Variants in ZEB2 observed in about 807,000 individuals in gnomAD.
ZEB2 encodes the protein zinc finger E-box binding homeobox 2.
In ZEB2, 6 loss-of-function variants were observed where a neutral mutation model predicts 99.9. The observed-to-expected ratio is 0.06, with a 90% CI of 0.03 to 0.12. ZEB2 has a LOEUF of 0.12. Among genes scored for constraint, ZEB2 ranks in the 10% least tolerant of loss-of-function variants. The pLI, the probability that ZEB2 is intolerant of heterozygous loss-of-function variation, is 1.00. For missense variants in ZEB2, 969 were observed against 1,502.8 expected (o/e 0.64, Z 5.87); for synonymous variants, 517 against 542.5 (o/e 0.95, Z 0.65).
intron 4 of ZEB2, among the ~76,000 whole-genome samples, chr2:144,412,573 G>C (rs796680800): frequency 6.8e-4 from 103 of 152,296 alleles, no homozygotes; most frequent in African/African-American, 2.3e-3. Flanking sequence ...CAAACCTATG[G>C]AACCAGCAAT....
chr2:144,386,885 A>G lies in ZEB2; in HGVS notation c.*2566T>C, dbSNP rs1467484679. The G allele has an allele frequency of 6.6e-6, 1 of 151,938 alleles. No homozygotes were observed. Among genetic ancestry groups the G allele is most frequent in the African/African-American group, 2.4e-5 (1 of 41,358 alleles). 9.4% of individuals were successfully genotyped at this position (151,938 alleles called of 1,614,324 possible). A position where few individuals can be genotyped will look rare whatever the true frequency, so the allele number is the denominator to read the frequency against. ...CAAATATAAAAACTCTAGGCTGTGG[A>G]TAACAGGAGGCATAGCATTTTGATG... On this transcript the variant is annotated 3_prime_UTR_variant, in exon 10 of 10. Coordinates refer to ENST00000627532, the MANE Select transcript of ZEB2 (RefSeq NM_014795.4).
chr2:144,388,496 A>C lies in ZEB2; in HGVS notation c.*955T>G, dbSNP rs562043405. 1 of 155,220 alleles carries C rather than the reference A, an allele frequency of 6.4e-6. No individual in the cohort carries two copies. Among genetic ancestry groups the C allele is most frequent in the East Asian group, 1.9e-4 (1 of 5,244 alleles). The allele number at this position is 155,220 out of a possible 1,614,324, so 9.6% of individuals were successfully genotyped here. On this transcript the variant is annotated 3_prime_UTR_variant, in exon 10 of 10. Coordinates refer to ENST00000627532, the MANE Select transcript of ZEB2 (RefSeq NM_014795.4). The surrounding 1 kb of genome is among the most constrained non-coding windows in gnomAD (Gnocchi z 5.4). Reference sequence around the variant, plus strand: ...CATAAATAAAATGTTATTTGACCTAAAATTAAATGAATGCAAAAAAAATTT... The same window carrying C: ...CATAAATAAAATGTTATTTGACCTACAATTAAATGAATGCAAAAAAAATTT...
At chr2:144,443,257 T>A (rs1457903297) in intron 2 of ZEB2, among the ~76,000 whole-genome samples, 1 of 152,150 alleles carries the variant, frequency 6.6e-6, no homozygotes, top group Non-Finnish European at 1.5e-5. Context: ...TTAGAAATGT[T>A]TTTAGCTAAA....
chr2:144,487,288 T>C (rs1007955223), intron 2 of ZEB2, among the ~76,000 whole-genome samples: 4 of 152,032 alleles, frequency 2.6e-5, no homozygotes, highest in African/African-American at 4.8e-5. Flanking sequence ...CAAGAAGAGA[T>C]TAAAGATAGG....
intron 2 of ZEB2, among the ~76,000 whole-genome samples, chr2:144,432,342 G>A (rs980857399): frequency 6.6e-6 from 1 of 152,196 alleles, no homozygotes; most frequent in African/African-American, 2.4e-5. Flanking sequence ...TACAGAGGCA[G>A]TATGCCATCT....
intron 2 of ZEB2, among the ~76,000 whole-genome samples, chr2:144,477,905 C>T (rs1704452440): frequency 6.6e-6 from 1 of 152,158 alleles, no homozygotes; most frequent in African/African-American, 2.4e-5. Flanking sequence ...CTGTCACTTT[C>T]CCTGTCTCTT....
chr2:144,429,504 C>A (rs1386722451), intron 3 of ZEB2: 6 of 500,014 alleles, frequency 1.2e-5, no homozygotes, highest in African/African-American at 9.7e-5. Flanking sequence ...GGTGCAAATA[C>A]CTCATGTTAT....
chr2:144,460,039 CTGCATAAGACAGGGT>C (rs919179250), intron 2 of ZEB2, among the ~76,000 whole-genome samples: 8 of 152,134 alleles, frequency 5.3e-5, no homozygotes, highest in African/African-American at 1.9e-4. Flanking sequence ...TTGGCCAGGG[CTGCATAAGACAGGGT>C]TGCTGAAACC....
chr2:144,397,005 AT>A, intron 8 of ZEB2, among the ~76,000 whole-genome samples: 1 of 152,190 alleles, frequency 6.6e-6, no homozygotes, highest in South Asian at 2.1e-4. Context: ...ATTGAATTTT[AT>A]ATTTAGGTAC....
chr2:144,460,284 C>T (rs534333789), intron 2 of ZEB2, among the ~76,000 whole-genome samples: 2 of 152,114 alleles, frequency 1.3e-5, no homozygotes, highest in Admixed American at 6.5e-5. Flanking sequence ...TGAACATCAA[C>T]GGCTAAGGTA....
chr2:144,470,030 C>A (rs1334047512), intron 2 of ZEB2, among the ~76,000 whole-genome samples: 2 of 152,148 alleles, frequency 1.3e-5, no homozygotes, highest in Non-Finnish European at 2.9e-5. Flanking sequence ...TTGGCAGTGC[C>A]TGAAACAGCT....
intron 2 of ZEB2, chr2:144,494,356 A>T (rs1362848039): frequency 1.3e-5 from 2 of 152,190 alleles, no homozygotes; most frequent in East Asian, 3.9e-4. Context: ...AGTGCAACCT[A>T]TGTGAAAATC....
chr2:144,448,138 T>C (rs1704009647), intron 2 of ZEB2, among the ~76,000 whole-genome samples: 1 of 152,222 alleles, frequency 6.6e-6, no homozygotes, highest in African/African-American at 2.4e-5. Flanking sequence ...TCCGTATCAT[T>C]CTTTCACATG....
At position 144,520,096 on chromosome 2, in the gene ZEB2, A is replaced by T; in HGVS notation, c.-227T>A. 2.2e-6 allele frequency: 1 copy of T among 454,558 alleles called. No homozygotes were observed. The highest frequency in any genetic ancestry group is 1.6e-5 in the South Asian group (1 of 64,472). 28.2% of individuals were successfully genotyped at this position (454,558 alleles called of 1,614,324 possible). ...AAGAGTGTCGGGAGGCAGGACCGTT[A>T]TTCCTGCAGAGCAGGTTAGAACTGA... On this transcript the variant is annotated 5_prime_UTR_variant, in exon 1 of 10. Coordinates refer to ENST00000627532, the MANE Select transcript of ZEB2 (RefSeq NM_014795.4).
rs751262430 is a variant in ZEB2 at position 144,400,175 on chromosome 2, T to A, written c.1012A>T (p.Ile338Phe). Residue 338 changes from isoleucine to phenylalanine, a missense_variant, in exon 8 of 10, where the codon ATC (isoleucine) becomes TTC (phenylalanine). Physicochemically the swap from Ile to Phe is conservative, Grantham distance 21. This residue lies in a region of ZEB2 where 9 missense variants were observed against 77.3 expected (regional missense o/e 0.12). Coordinates refer to ENST00000627532, the MANE Select transcript of ZEB2 (RefSeq NM_014795.4). Reference sequence around the variant, plus strand: ...TTTCTCATTCGGCCATTTACAGAGATTAAACCAATACATTTCTTGCTGCTG... The same window carrying A: ...TTTCTCATTCGGCCATTTACAGAGAATAAACCAATACATTTCTTGCTGCTG... ...HISSKKCIGL[I>F]SVNGRMRNNI... 1 of 1,614,150 alleles carries A rather than the reference T, an allele frequency of 6.2e-7. No homozygotes were observed. Among genetic ancestry groups the A allele is most frequent in the Non-Finnish European group, 8.5e-7 (1 of 1,180,018 alleles).
intron 2 of ZEB2, among the ~76,000 whole-genome samples, chr2:144,446,217 T>C (rs937553898): frequency 1.3e-5 from 2 of 152,174 alleles, no homozygotes; most frequent in African/African-American, 4.8e-5. Context: ...CATATGATGC[T>C]TTCAGGAGAC....
At chr2:144,432,308 T>G (rs1250058171) in intron 2 of ZEB2, among the ~76,000 whole-genome samples, 3 of 152,190 alleles carry the variant, frequency 2.0e-5, no homozygotes, top group Non-Finnish European at 4.4e-5. Context: ...TTAAACTAAA[T>G]AAATAACTGC....
chr2:144,442,783 T>A (rs1703933514), intron 2 of ZEB2, among the ~76,000 whole-genome samples: 1 of 152,186 alleles, frequency 6.6e-6, no homozygotes, highest in African/African-American at 2.4e-5. Flanking sequence ...TCAATACTAT[T>A]TTTGAACTTA....
chr2:144,512,904 C>T, intron 2 of ZEB2: 1 of 1,287,216 alleles, frequency 7.8e-7, no homozygotes, highest in African/African-American at 1.5e-5. Context: ...ACAACCTGCC[C>T]CAGTGCTTTG....
Sources: gnomAD v4.1 joint callset for allele counts (sites outside exome capture counted in the v4.1 genomes callset) on GRCh38, gnomAD v4.1.1 for gene constraint, gnomAD v4.1.1 regional missense constraint, Gnocchi (gnomAD v3.1) non-coding constraint, MANE v1.5 for transcripts, NCBI Gene and HGNC (gene_info 2026-07-23, HGNC 2026-07-21) for gene names.